GATA4: variants seen among roughly 807,000 people sequenced by gnomAD.
The protein encoded by GATA4 is GATA binding protein 4, also known as transcription factor GATA-4.
A neutral mutation model predicts 37.9 loss-of-function variants in GATA4; 7 were observed. That is an observed-to-expected ratio of 0.18 (90% CI 0.11 to 0.35). The LOEUF is 0.35. Among genes scored for constraint, GATA4 ranks in the 10% least tolerant of loss-of-function variants. The probability of loss-of-function intolerance (pLI) is 1.00; values close to 1 mark genes in which losing one functional copy is unlikely to be tolerated. For synonymous variants in GATA4, 372 were observed against 292.6 expected (o/e 1.27, Z -2.77); for missense variants, 647 against 653.0 (o/e 0.99, Z 0.10).
chr8:11,709,460 C>A lies in GATA4; in HGVS notation c.616+532C>A, dbSNP rs1269272170. ...CTGATGATTTTCCCGTCGGGGGTCT[C>A]ACACCGAGAACAAAGGAGGGATGGA... On this transcript the variant is annotated intron_variant, in intron 2 of 6. Coordinates refer to ENST00000532059, the MANE Select transcript of GATA4 (RefSeq NM_001308093.3). The surrounding 1 kb of genome is among the most constrained non-coding windows in gnomAD (Gnocchi z 4.3). Among the ~76,000 whole-genome samples the A allele has an allele frequency of 1.3e-5, 2 of 151,690 alleles. No individual in the cohort carries two copies. Among genetic ancestry groups the A allele is most frequent in the Non-Finnish European group, 2.9e-5 (2 of 67,926 alleles).
chr8:11,692,835 G>A, intron 1 of GATA4: 1 of 981,942 alleles, frequency 1.0e-6, no homozygotes, highest in African/African-American at 1.8e-5. Flanking sequence ...CAGAGGCGGG[G>A]GCGGCCGGCC....
chr8:11,720,697 C>T (rs765415199), intron 2 of GATA4, among the ~76,000 whole-genome samples: 26 of 152,240 alleles, frequency 1.7e-4, no homozygotes, highest in African/African-American at 4.6e-4. Context: ...TGAGAACATG[C>T]GGTTAGTTTC....
At chr8:11,698,992 G>T (rs1379906459) in intron 1 of GATA4, among the ~76,000 whole-genome samples, 1 of 152,206 alleles carries the variant, frequency 6.6e-6, no homozygotes, top group Non-Finnish European at 1.5e-5. Context: ...CCCTTGAGGG[G>T]AATGTTTCAT....
At chr8:11,731,583 G>C (rs1399009415) in intron 2 of GATA4, among the ~76,000 whole-genome samples, 1 of 152,208 alleles carries the variant, frequency 6.6e-6, no homozygotes, top group Admixed American at 6.5e-5. Flanking sequence ...GCCAGGATCG[G>C]GGTGCGGGAG....
intron 2 of GATA4, among the ~76,000 whole-genome samples, chr8:11,745,547 C>T (rs2130289953): frequency 6.6e-6 from 1 of 152,138 alleles, no homozygotes; most frequent in East Asian, 1.9e-4. Context: ...GATCGCAGCA[C>T]TGTACTCCAG....
At position 11,708,051 on chromosome 8, in the gene GATA4, T is replaced by C. The variant is rs780230730; in HGVS notation, c.-262T>C. On this transcript the variant is annotated 5_prime_UTR_variant, in exon 2 of 7. Coordinates refer to ENST00000532059, the MANE Select transcript of GATA4 (RefSeq NM_001308093.3). This position sits in a 1 kb window ranked among gnomAD's most constrained non-coding sequence, Gnocchi z 6.7. ...CTTCAGGCCCTGGGGTGAATTCAGCTGCTCCTACATCAGCTTCCGGAACCA... is the reference window on the plus strand; with the variant it reads ...CTTCAGGCCCTGGGGTGAATTCAGCCGCTCCTACATCAGCTTCCGGAACCA... 1 of 542,728 alleles carries C rather than the reference T, an allele frequency of 1.8e-6. No homozygotes were observed. Among genetic ancestry groups the C allele is most frequent in the Non-Finnish European group, 3.4e-6 (1 of 296,526 alleles). The allele number at this position is 542,728 out of a possible 1,614,324, so 33.6% of individuals were successfully genotyped here.
chr8:11,706,370 T>A (rs1038475769), intron 1 of GATA4, among the ~76,000 whole-genome samples: 3 of 152,238 alleles, frequency 2.0e-5, no homozygotes, highest in Non-Finnish European at 2.9e-5. Context: ...TCTTGTATTA[T>A]ACTAGAAATC....
upstream of GATA4, among the ~76,000 whole-genome samples, chr8:11,691,445 C>T (rs150260219): frequency 1.8e-3 from 281 of 152,298 alleles, 2 homozygotes; most frequent in African/African-American, 6.6e-3. Flanking sequence ...GGACTACAGG[C>T]ACGTGCCACC....
At chr8:11,747,493 C>G (rs1468178690) in intron 2 of GATA4, among the ~76,000 whole-genome samples, 2 of 152,086 alleles carry the variant, frequency 1.3e-5, no homozygotes, top group Non-Finnish European at 2.9e-5. Context: ...TAATATGCAC[C>G]TTTATTTTAT....
chr8:11,695,438 A>C (rs145356769), intron 1 of GATA4, among the ~76,000 whole-genome samples: 1 of 152,172 alleles, frequency 6.6e-6, no homozygotes, highest in Non-Finnish European at 1.5e-5. Flanking sequence ...AATAAGAGCC[A>C]GAGTAATGGG....
chr8:11,759,779 T>C lies in GATA4; in HGVS notation c.*1304T>C, dbSNP rs1802802858. The C allele has an allele frequency of 6.6e-6, 1 of 152,310 alleles. No individual in the cohort carries two copies. The highest frequency in any genetic ancestry group is 1.5e-5 in the Non-Finnish European group (1 of 68,082). 9.4% of individuals were successfully genotyped at this position (152,310 alleles called of 1,614,324 possible). A position where few individuals can be genotyped will look rare whatever the true frequency, so the allele number is the denominator to read the frequency against. On this transcript the variant is annotated 3_prime_UTR_variant, in exon 7 of 7. Coordinates refer to ENST00000532059, the MANE Select transcript of GATA4 (RefSeq NM_001308093.3). ...GCAGAGCTGTAGCTGACTGTGGCATTACTACGCCTCCCCACACGCCCAGAC... is the reference window on the plus strand; with the variant it reads ...GCAGAGCTGTAGCTGACTGTGGCATCACTACGCCTCCCCACACGCCCAGAC...
chr8:11,745,987 A>C (rs879627268), intron 2 of GATA4, among the ~76,000 whole-genome samples: 6 of 152,160 alleles, frequency 3.9e-5, no homozygotes, highest in Non-Finnish European at 8.8e-5. Flanking sequence ...TTTCATAATA[A>C]AGAAAAATAG....
intron 1 of GATA4, among the ~76,000 whole-genome samples, chr8:11,682,530 A>C (rs62489312): frequency 1.2e-3 from 177 of 152,356 alleles, no homozygotes; most frequent in Middle Eastern, 0.01. Flanking sequence ...TTTCATTTCC[A>C]ACAAAACAGA....
chr8:11,680,677 G>C (rs187983359), intron 1 of GATA4: 2 of 984,970 alleles, frequency 2.0e-6, no homozygotes, highest in Non-Finnish European at 2.4e-6. Context: ...TTGCGTCAGA[G>C]ACCCCCCCCT....
chr8:11,702,578 T>A (rs1799718324), upstream of GATA4, among the ~76,000 whole-genome samples: 1 of 146,926 alleles, frequency 6.8e-6, no homozygotes, highest in Admixed American at 6.8e-5. This position sits in a 1 kb window ranked among gnomAD's most constrained non-coding sequence, Gnocchi z 4.4. Flanking sequence ...AGACCGCTTT[T>A]CCGCAGCGCC....
chr8:11,718,484 T>G (rs552593603), intron 2 of GATA4, among the ~76,000 whole-genome samples: 1 of 152,206 alleles, frequency 6.6e-6, no homozygotes, highest in Non-Finnish European at 1.5e-5. Flanking sequence ...CAAGTAAAAT[T>G]TGAGGCTGTC....
At chr8:11,682,064 C>A (rs866298726) in intron 1 of GATA4, among the ~76,000 whole-genome samples, 1 of 152,234 alleles carries the variant, frequency 6.6e-6, no homozygotes, top group South Asian at 2.1e-4. Flanking sequence ...GGATATTAAA[C>A]TGCACAGTAG....
intron 4 of GATA4, among the ~76,000 whole-genome samples, chr8:11,753,887 T>C (rs1302496643): frequency 6.6e-6 from 1 of 152,186 alleles, no homozygotes; most frequent in Non-Finnish European, 1.5e-5. Flanking sequence ...AAGATTTGGC[T>C]CAGCCTAAGA....
intron 2 of GATA4, among the ~76,000 whole-genome samples, chr8:11,724,296 C>T (rs1238028184): frequency 6.6e-6 from 1 of 152,150 alleles, no homozygotes; most frequent in African/African-American, 2.4e-5. Context: ...AATATCTATT[C>T]ACCTCCCTGC....
Sources: gnomAD v4.1 joint callset for allele counts (sites outside exome capture counted in the v4.1 genomes callset) on GRCh38, gnomAD v4.1.1 for gene constraint, Gnocchi (gnomAD v3.1) non-coding constraint, MANE v1.5 for transcripts, NCBI Gene and HGNC (gene_info 2026-07-23, HGNC 2026-07-21) for gene names.